CCDC57: variants seen among roughly 807,000 people sequenced by gnomAD.
CCDC57 encodes the protein coiled-coil domain containing 57, also known as coiled-coil domain-containing protein 57.
In CCDC57, 118 loss-of-function variants were observed where a neutral mutation model predicts 118.9. The observed-to-expected ratio is 0.99, with a 90% CI of 0.86 to 1.16. The LOEUF (loss-of-function observed/expected upper bound fraction) is 1.16, where lower values mean the gene tolerates loss of function less well. Among genes scored for constraint, CCDC57 ranks in the 50% most tolerant of loss-of-function variants. The pLI, the probability that CCDC57 is intolerant of heterozygous loss-of-function variation, is 0.00. For synonymous variants in CCDC57, 527 were observed against 532.9 expected (o/e 0.99, Z 0.15); for missense variants, 1,300 against 1,320.7 (o/e 0.98, Z 0.24).
At chr17:82,130,362 T>G (rs2038147284) in intron 17 of CCDC57, among the ~76,000 whole-genome samples, 1 of 150,620 alleles carries the variant, frequency 6.6e-6, no homozygotes, top group Non-Finnish European at 1.5e-5. Context: ...CCCGACTAAG[T>G]TTTGTATTTT....
exon 3 of CCDC57, chr17:82,201,578 C>T: frequency 5.0e-6 from 8 of 1,612,030 alleles, no homozygotes; most frequent in Non-Finnish European, 6.8e-6. Flanking sequence ...TCCTGGAATG[C>T]CAGCTGCTGC....
chr17:82,168,874 A>C (rs939778837), intron 13 of CCDC57, among the ~76,000 whole-genome samples: 1 of 152,080 alleles, frequency 6.6e-6, no homozygotes, highest in African/African-American at 2.4e-5. Flanking sequence ...ATCGTGATTT[A>C]AAAAATAAAG....
Position 82,168,593 on chromosome 17 carries a change from C to CA in CCDC57, c.1882+3107dup, listed in dbSNP as rs1327875554. On this transcript the variant is annotated intron_variant, in intron 13 of 19. Transcript: ENST00000665763. ...AGCCTGGGCAACAGAGACTCCGTCT[C>CA]AAAAAACAAGAAATTCATTTCAAAT... is the stretch of plus-strand genomic sequence containing the variant. Among the ~76,000 whole-genome samples, 5 of 151,912 alleles carry CA rather than the reference C, an allele frequency of 3.3e-5. No homozygotes were observed. The East Asian group carries it at 9.7e-4, about 29-fold the overall frequency.
intron 19 of CCDC57, among the ~76,000 whole-genome samples, chr17:82,110,259 C>T (rs1303683791): frequency 6.6e-6 from 1 of 151,882 alleles, no homozygotes; most frequent in East Asian, 1.9e-4. Context: ...AGATTACAGG[C>T]GTGAGCTGCC....
intron 16 of CCDC57, among the ~76,000 whole-genome samples, chr17:82,140,313 C>T (rs2145557511): frequency 6.6e-6 from 1 of 152,252 alleles, no homozygotes; most frequent in African/African-American, 2.4e-5. Context: ...GTCTCAATGT[C>T]CTGACCTCAT....
chr17:82,148,943 G>GATA (rs1331666727), intron 16 of CCDC57, among the ~76,000 whole-genome samples: 3 of 85,590 alleles, frequency 3.5e-5, no homozygotes, highest in Non-Finnish European at 6.9e-5. Context: ...TGGGTGGGTG[G>GATA]GTGGATGGTA....
At chr17:82,105,074 C>T (rs898695835) in intron 19 of CCDC57, 4 of 152,406 alleles carry the variant, frequency 2.6e-5, no homozygotes, top group African/African-American at 9.6e-5. Flanking sequence ...GCTCCGGGCT[C>T]TCTGGGTGCC....
chr17:82,148,125 AGATGGATGGATGGATGGATG>A (rs143199335), intron 16 of CCDC57, among the ~76,000 whole-genome samples: 6 of 75,856 alleles, frequency 7.9e-5, no homozygotes, highest in East Asian at 5.1e-4. Context: ...TTGGATGGTT[AGATGGATGGATGGATGGATG>A]GATGGATGGA....
At chr17:82,187,306 A>T (rs2047054982) in intron 8 of CCDC57, among the ~76,000 whole-genome samples, 1 of 150,152 alleles carries the variant, frequency 6.7e-6, no homozygotes, top group South Asian at 2.1e-4. Flanking sequence ...AAATGGTTAC[A>T]ATAGTAAATT....
intron 17 of CCDC57, among the ~76,000 whole-genome samples, chr17:82,129,211 G>T (rs568818948): frequency 6.6e-6 from 1 of 152,120 alleles, no homozygotes; most frequent in East Asian, 1.9e-4. Context: ...GAGCCACCAC[G>T]CCTGACCTGA....
chr17:82,131,464 G>A (rs7406257), intron 17 of CCDC57, among the ~76,000 whole-genome samples: 70,846 of 151,350 alleles, frequency 0.47, 17,342 homozygotes, highest in East Asian at 0.88. Context: ...AATACATGCC[G>A]GGCCTGGTGG....
At chr17:82,165,597 G>T (rs2043889882) in intron 13 of CCDC57, among the ~76,000 whole-genome samples, 1 of 152,290 alleles carries the variant, frequency 6.6e-6, no homozygotes, top group Admixed American at 6.5e-5. Context: ...CCAGCCCATG[G>T]TCCTGCAGCC....
intron 8 of CCDC57, 99 bp from the exon 8 acceptor site, chr17:82,184,031 G>GCGCGCGCGCA: frequency 7.6e-4 from 100 of 131,854 alleles, no homozygotes; most frequent in Admixed American, 1.2e-3. Context: ...GCGCGCGCGC[G>GCGCGCGCGCA]CACACACACA....
intron 19 of CCDC57, among the ~76,000 whole-genome samples, chr17:82,119,811 T>C (rs1035586491): frequency 1.3e-5 from 2 of 152,042 alleles, no homozygotes; most frequent in African/African-American, 2.4e-5. Context: ...GACCTATCTA[T>C]CTGAGGCTGT....
rs755801136 is a variant in CCDC57 at position 82,101,669 on chromosome 17, T to TG, written c.*12dup. ...CCGAGCACCCCTTAGTGGGGCGGGG[T>TG]GGGGGGAGGAAGTCAGTCCATAATG... On this transcript the variant is annotated 3_prime_UTR_variant, in exon 20 of 20. Coordinates refer to ENST00000665763, the Ensembl canonical transcript of CCDC57. 1.3e-5 allele frequency: 21 copies of TG among 1,584,066 alleles called. No homozygotes were observed. In the Admixed American group the frequency reaches 1.8e-4, roughly 14 times the overall value.
exon 6 of CCDC57, chr17:82,194,081 T>A: frequency 6.2e-7 from 1 of 1,613,992 alleles, no homozygotes; most frequent in East Asian, 2.2e-5. Flanking sequence ...CTGCAGACTC[T>A]CTGCAGCCTT....
At chr17:82,114,362 G>A (rs1356637440) in intron 19 of CCDC57, among the ~76,000 whole-genome samples, 1 of 152,326 alleles carries the variant, frequency 6.6e-6, no homozygotes, top group African/African-American at 2.4e-5. Context: ...GGACGGGGGC[G>A]TGAGGATGAG....
chr17:82,181,803 G>A (rs966333364), intron 9 of CCDC57, among the ~76,000 whole-genome samples: 1 of 152,198 alleles, frequency 6.6e-6, no homozygotes, highest in Admixed American at 6.6e-5. Context: ...GTTTAACGAA[G>A]AAGGAACATT....
intron 13 of CCDC57, among the ~76,000 whole-genome samples, chr17:82,165,432 C>T (rs1225036471): frequency 2.0e-5 from 3 of 151,926 alleles, no homozygotes; most frequent in African/African-American, 2.4e-5. Context: ...AGTCCCTCGT[C>T]TCCTTCCTGC....
Sources: gnomAD v4.1 joint callset for allele counts (sites outside exome capture counted in the v4.1 genomes callset) on GRCh38, gnomAD v4.1.1 for gene constraint, MANE v1.5 for transcripts, NCBI Gene and HGNC (gene_info 2026-07-23, HGNC 2026-07-21) for gene names.